HMCN1: variants seen among roughly 807,000 people sequenced by gnomAD.
The protein encoded by HMCN1 is hemicentin-1.
In HMCN1, 321 loss-of-function variants were observed where a neutral mutation model predicts 625.9. That is an observed-to-expected ratio of 0.51 (90% CI 0.47 to 0.56). HMCN1 has a LOEUF of 0.56. Ranked by LOEUF, HMCN1 falls within the 20% of genes least tolerant of loss-of-function variation. HMCN1 has a pLI of 0.00. For missense variants in HMCN1, 6,588 were observed against 6,887.3 expected (o/e 0.96, Z 1.54); for synonymous variants, 2,425 against 2,417.6 (o/e 1.00, Z -0.09).
chr1:186,078,481 A>G (rs1231909038), intron 55 of HMCN1, among the ~76,000 whole-genome samples: 4 of 152,202 alleles, frequency 2.6e-5, no homozygotes, highest in Non-Finnish European at 5.9e-5. Context: ...AAGTCCCAAA[A>G]TAGAGCTGGC....
intron 55 of HMCN1, among the ~76,000 whole-genome samples, chr1:186,079,352 T>C (rs2102371983): frequency 6.6e-6 from 1 of 152,242 alleles, no homozygotes; most frequent in East Asian, 1.9e-4. Context: ...GGCTCTCCCT[T>C]ACAGTGGTCA....
intron 4 of HMCN1, among the ~76,000 whole-genome samples, chr1:185,892,458 T>C (rs2102414740): frequency 6.6e-6 from 1 of 152,084 alleles, no homozygotes; most frequent in South Asian, 2.1e-4. Flanking sequence ...ACTTTTGGTC[T>C]TTGATGATGG....
At chr1:185,832,758 T>A (rs1049915668) in intron 1 of HMCN1, among the ~76,000 whole-genome samples, 1 of 152,172 alleles carries the variant, frequency 6.6e-6, no homozygotes, top group African/African-American at 2.4e-5. Context: ...AAAAGATTAA[T>A]AAAGTTTACT....
At chr1:185,864,787 T>C (rs1312164283) in intron 3 of HMCN1, among the ~76,000 whole-genome samples, 159 bp downstream of exon 3, 1 of 152,248 alleles carries the variant, frequency 6.6e-6, no homozygotes, top group Non-Finnish European at 1.5e-5. Flanking sequence ...TTTAAACATA[T>C]TAAACATATA....
chr1:185,814,951 C>A (rs1322358827), intron 1 of HMCN1, among the ~76,000 whole-genome samples: 1 of 150,018 alleles, frequency 6.7e-6, no homozygotes, highest in African/African-American at 2.5e-5. Context: ...CTCGGCCTCC[C>A]AAAGTGCTGG....
intron 77 of HMCN1, among the ~76,000 whole-genome samples, chr1:186,118,251 A>G (rs1366675489): frequency 6.6e-6 from 1 of 152,154 alleles, no homozygotes; most frequent in Non-Finnish European, 1.5e-5. Context: ...CACAATAGAG[A>G]TAAAGTAGCA....
Position 186,166,198 on chromosome 1 carries a change from G to A in HMCN1, c.15334G>A (p.Ala5112Thr). The A allele has an allele frequency of 6.2e-7, 1 of 1,614,000 alleles. No homozygotes were observed. The highest frequency in any genetic ancestry group is 1.1e-5 in the South Asian group (1 of 91,078). ...TCTTCTTTAAGATGAGGATGAATGT[G>A]CAGCAGGGAATCCCTGCTCCCATAG... ...GPFCADEDEC[A>T]AGNPCSHSCH... Residue 5112 changes from alanine to threonine, a missense_variant, in exon 99 of 107, where the codon GCA becomes ACA. Ala to Thr is a moderately conservative substitution (Grantham distance 58). Around this residue, in one of 3 missense-constraint regions of HMCN1, gnomAD observed 1,954 missense variants for 2,013.1 expected, o/e 0.97. Transcript: ENST00000271588.
intron 11 of HMCN1, among the ~76,000 whole-genome samples, chr1:185,957,979 T>G (rs962674989): frequency 5.9e-5 from 9 of 152,202 alleles, no homozygotes; most frequent in African/African-American, 2.2e-4. Flanking sequence ...AAAAATCTAA[T>G]TTTATCTATT....
chr1:186,036,512 C>T (rs1655833522), intron 36 of HMCN1, among the ~76,000 whole-genome samples: 1 of 152,094 alleles, frequency 6.6e-6, no homozygotes, highest in Non-Finnish European at 1.5e-5. Context: ...AATTATCTAC[C>T]AATGGGTCCC....
intron 97 of HMCN1, among the ~76,000 whole-genome samples, chr1:186,159,316 T>G (rs1651264871): frequency 1.3e-5 from 2 of 152,226 alleles, no homozygotes; most frequent in Admixed American, 6.5e-5. Context: ...AAGAAGATTT[T>G]GGGCTGAGAC....
chr1:185,910,911 A>G (rs889645205), intron 5 of HMCN1, among the ~76,000 whole-genome samples: 21 of 152,164 alleles, frequency 1.4e-4, no homozygotes, highest in African/African-American at 5.1e-4. Flanking sequence ...TCCATGGGAA[A>G]GTCAAGAGTT....
intron 1 of HMCN1, among the ~76,000 whole-genome samples, chr1:185,823,181 T>C (rs1660299682): frequency 6.6e-6 from 1 of 151,890 alleles, no homozygotes; most frequent in Non-Finnish European, 1.5e-5. Flanking sequence ...TCCTACTGAC[T>C]ATTAAATGAT....
intron 1 of HMCN1, among the ~76,000 whole-genome samples, chr1:185,741,673 G>C (rs1654004376): frequency 6.6e-6 from 1 of 151,860 alleles, no homozygotes. Flanking sequence ...TGTTATCCTA[G>C]AAGTCAAGAA....
chr1:186,063,056 G>GCATA (rs1657821922), intron 48 of HMCN1, among the ~76,000 whole-genome samples: 1 of 101,146 alleles, frequency 9.9e-6, no homozygotes, highest in Non-Finnish European at 1.8e-5. Context: ...GTGTGTGTGT[G>GCATA]TGTGTGTGTG....
At chr1:185,801,548 A>G (rs7517811) in intron 1 of HMCN1, among the ~76,000 whole-genome samples, 13,782 of 152,142 alleles carry the variant, frequency 0.091, 1,997 homozygotes, top group African/African-American at 0.31. Context: ...TGGAGAGACA[A>G]AAATTGATTA....
chr1:186,151,961 T>C (rs1650698984), intron 95 of HMCN1, among the ~76,000 whole-genome samples: 1 of 152,180 alleles, frequency 6.6e-6, no homozygotes. Flanking sequence ...CCCTAAAAGT[T>C]TTTCTCCTCT....
chr1:186,151,153 G>C (rs772256410), intron 93 of HMCN1, 47 bp from the exon 94 acceptor site: 2 of 1,601,044 alleles, frequency 1.2e-6, no homozygotes, highest in South Asian at 2.2e-5. Flanking sequence ...ATGTAATGTT[G>C]ATGAAATTGC....
chr1:186,087,505 A>C lies in HMCN1; in HGVS notation c.9223A>C (p.Thr3075Pro), dbSNP rs752694815. 81 of 1,613,212 alleles carry C rather than the reference A, an allele frequency of 5.0e-5. No homozygotes were observed. The highest frequency in any genetic ancestry group is 6.4e-5 in the Non-Finnish European group (75 of 1,179,516). ...TTCTGTAGTTAATGTAAGAGAGGGA[A>C]CTTCTGTGTCTTTGGAGTGTGAGTC... ...SLSVVNVREGTSVSLECESNA... is the reference protein window; with the variant it reads ...SLSVVNVREGPSVSLECESNA... The change falls in exon 60 of 107, where the codon ACT becomes CCT. Residue 3075 changes from threonine (T) to proline (P), a missense_variant. This residue lies in a region of HMCN1 where 4,628 missense variants were observed against 4,853.1 expected (regional missense o/e 0.95). Coordinates refer to ENST00000271588, the MANE Select transcript of HMCN1 (RefSeq NM_031935.3).
At chr1:185,976,534 G>A (rs371674409) in intron 15 of HMCN1, among the ~76,000 whole-genome samples, 1 of 152,290 alleles carries the variant, frequency 6.6e-6, no homozygotes, top group East Asian at 1.9e-4. Flanking sequence ...GTGTGACTAT[G>A]AGCAGTTGTG....
Sources: allele counts gnomAD v4.1 joint callset (sites outside exome capture counted in the v4.1 genomes callset), GRCh38; gene constraint gnomAD v4.1.1; regional missense constraint gnomAD v4.1.1; transcripts MANE v1.5; gene names NCBI Gene and HGNC (gene_info 2026-07-23, HGNC 2026-07-21).